Variants in DRD3 observed in about 807,000 individuals in gnomAD.
The protein encoded by DRD3 is D(3) dopamine receptor.
In DRD3, 19 loss-of-function variants were observed where a neutral mutation model predicts 36.3. The ratio of observed to expected loss-of-function variants is 0.52; its 90% confidence interval spans 0.36 to 0.77. The LOEUF is 0.77. Ranked by LOEUF, DRD3 falls within the 30% of genes least tolerant of loss-of-function variation. The probability of loss-of-function intolerance (pLI) is 0.00; values close to 1 mark genes in which losing one functional copy is unlikely to be tolerated. For missense variants in DRD3, 465 were observed against 505.3 expected (o/e 0.92, Z 0.77); for synonymous variants, 195 against 203.7 (o/e 0.96, Z 0.36).
intron 4 of DRD3, among the ~76,000 whole-genome samples, chr3:114,146,698 CA>C (rs72463214): frequency 0.029 from 1,697 of 58,118 alleles, 15 homozygotes; most frequent in African/African-American, 0.081. Context: ...GACTTGGTCT[CA>C]AAAAAAAAAA....
At chr3:114,198,612 A>C (rs2078049400) in intron 1 of DRD3, among the ~76,000 whole-genome samples, 1 of 152,102 alleles carries the variant, frequency 6.6e-6, no homozygotes, top group Non-Finnish European at 1.5e-5. Context: ...GAAAATTATG[A>C]CAGTTTTATT....
At chr3:114,142,864 C>T (rs2077538595) in intron 4 of DRD3, among the ~76,000 whole-genome samples, 1 of 152,214 alleles carries the variant, frequency 6.6e-6, no homozygotes, top group South Asian at 2.1e-4. Context: ...AAACAGCTTC[C>T]CTTTCTTAGA....
At chr3:114,196,710 G>A (rs189858534) in intron 1 of DRD3, among the ~76,000 whole-genome samples, 1 of 152,278 alleles carries the variant, frequency 6.6e-6, no homozygotes, top group East Asian at 1.9e-4. Flanking sequence ...GTTTTAACTT[G>A]CGTTTCTCTA....
At chr3:114,147,747 G>A (rs2077581770) in intron 3 of DRD3, among the ~76,000 whole-genome samples, 190 bp from the exon 4 acceptor site, 1 of 152,148 alleles carries the variant, frequency 6.6e-6, no homozygotes, top group Non-Finnish European at 1.5e-5. Flanking sequence ...AGCTTCCTGA[G>A]TATCTAGGAT....
At position 114,171,797 on chromosome 3, in the gene DRD3, AGTTGGTG is replaced by A; in HGVS notation, c.189_195del (p.Asn65Ter). The A allele has an allele frequency of 6.2e-7, 1 of 1,614,050 alleles. No homozygotes were observed. The highest frequency in any genetic ancestry group is 8.5e-7 in the Non-Finnish European group (1 of 1,179,944). On this transcript the variant is annotated frameshift_variant, in exon 2 of 7. Coordinates refer to ENST00000383673, the MANE Select transcript of DRD3 (RefSeq NM_000796.6). LOFTEE classifies it high-confidence loss of function. Reference sequence around the variant, plus strand: ...GCCACAGCCAGGCTCACTACTAAGTAGTTGGTGGTAGTCTGCAGGGCCCGCTCCTTCA... The same window carrying A: ...GCCACAGCCAGGCTCACTACTAAGTAGTAGTCTGCAGGGCCCGCTCCTTCA...
intron 6 of DRD3, among the ~76,000 whole-genome samples, chr3:114,130,072 A>T (rs999791035): frequency 2.0e-5 from 3 of 151,932 alleles, no homozygotes; most frequent in African/African-American, 7.3e-5. Flanking sequence ...ACGTAATGAG[A>T]CCCTGTCACT....
intron 4 of DRD3, among the ~76,000 whole-genome samples, chr3:114,139,906 A>C (rs2077509863): frequency 6.6e-6 from 1 of 152,210 alleles, no homozygotes; most frequent in Non-Finnish European, 1.5e-5. Context: ...CTTAAAATAA[A>C]AAGTTACCAA....
intron 3 of DRD3, among the ~76,000 whole-genome samples, chr3:114,156,871 TTTTCTTTC>T (rs1342099605): frequency 5.0e-4 from 3 of 6,036 alleles, no homozygotes; most frequent in Admixed American, 2.2e-3. Flanking sequence ...CTTTCTTTCT[TTTTCTTTC>T]TCTTTCTTTT....
At chr3:114,186,883 T>C (rs1229656100) in intron 1 of DRD3, among the ~76,000 whole-genome samples, 2 of 152,194 alleles carry the variant, frequency 1.3e-5, no homozygotes, top group East Asian at 3.9e-4. Flanking sequence ...TTTTTTCCAT[T>C]GGCTTTTAGT....
In DRD3 at chr3:114,128,690, C is replaced by T. The variant is rs780771836; in HGVS notation, c.*26G>A. The T allele has an allele frequency of 3.8e-6, 6 of 1,560,944 alleles. No homozygotes were observed. The highest frequency in any genetic ancestry group is 5.2e-6 in the Non-Finnish European group (6 of 1,151,304). On this transcript the variant is annotated 3_prime_UTR_variant, in exon 7 of 7. Coordinates refer to ENST00000383673, the MANE Select transcript of DRD3 (RefSeq NM_000796.6). ...ACAGCCTGGCAGCTAGAAATGGGTA[C>T]AAAGAGTGTTCCCTCTTCTGCTCCC... is the stretch of plus-strand genomic sequence containing the variant.
Position 114,139,584 on chromosome 3 carries a change from C to A in DRD3, c.639G>T (p.Val213=). 6.2e-7 allele frequency: 1 copy of A among 1,614,126 alleles called. No homozygotes were observed. The highest frequency in any genetic ancestry group is 1.1e-5 in the South Asian group (1 of 91,064). The part of the protein sequence containing the change: ...VTVLVYARIY[V]VLKQRRRKRI... ...TTTTCCGTCTCCTTTGTTTCAGCAC[C>A]ACATAGATTCTGGCATAGACAAGGA... The change falls in exon 5 of 7, where the codon GTG becomes GTT. Residue 213 remains valine, a synonymous_variant. Coordinates refer to ENST00000383673, the MANE Select transcript of DRD3 (RefSeq NM_000796.6).
intron 1 of DRD3, among the ~76,000 whole-genome samples, chr3:114,174,113 A>C (rs944111669): frequency 6.6e-6 from 1 of 152,208 alleles, no homozygotes; most frequent in Admixed American, 6.5e-5. Context: ...AAACATAATA[A>C]TAATTCTTGA....
chr3:114,179,182 T>C (rs1388608104), upstream of DRD3: 3 of 152,194 alleles, frequency 2.0e-5, no homozygotes, highest in Admixed American at 6.5e-5. Flanking sequence ...CTCAGTTTAA[T>C]TGCCTTTCCA....
At chr3:114,194,641 C>T (rs776529094) in intron 1 of DRD3, among the ~76,000 whole-genome samples, 36 of 152,098 alleles carry the variant, frequency 2.4e-4, no homozygotes, top group Non-Finnish European at 4.0e-4. Flanking sequence ...TTGAGCATGC[C>T]GACTTTTCTG....
chr3:114,189,936 C>A (rs945693828), intron 1 of DRD3, among the ~76,000 whole-genome samples: 3 of 152,050 alleles, frequency 2.0e-5, no homozygotes, highest in Non-Finnish European at 4.4e-5. Flanking sequence ...CCATGTTATG[C>A]ACATAAACAC....
intron 4 of DRD3, among the ~76,000 whole-genome samples, chr3:114,140,108 G>A (rs748723715): frequency 1.3e-5 from 2 of 152,210 alleles, no homozygotes; most frequent in Non-Finnish European, 2.9e-5. Context: ...GAGGGATGCA[G>A]CCCTCAGAAA....
chr3:114,166,660 C>G (rs1262563046), intron 2 of DRD3, among the ~76,000 whole-genome samples: 1 of 152,178 alleles, frequency 6.6e-6, no homozygotes, highest in Non-Finnish European at 1.5e-5. Context: ...TCTGTTGTAG[C>G]TGCACAAAAT....
rs550478184 is a variant in DRD3 at position 114,164,202 on chromosome 3, T to C, written c.271-4335A>G. On this transcript the variant is annotated intron_variant, in intron 2 of 6. Coordinates refer to ENST00000383673, the MANE Select transcript of DRD3 (RefSeq NM_000796.6). The stretch of plus-strand genomic sequence containing the variant: ...CACCACTGCACTCCAGCCTGGGTGA[T>C]AGAGCGAGCCTCAGTCTCAAAAAAA... Among the ~76,000 whole-genome samples the C allele has an allele frequency of 2.1e-4, 20 of 95,336 alleles. 1 individual carries two copies. Among genetic ancestry groups the C allele is most frequent in the South Asian group, 1.8e-3 (5 of 2,784 alleles). The allele number at this position is 95,336 out of a possible 152,430, so 62.5% of individuals were successfully genotyped here.
chr3:114,135,661 GGT>G (rs2077468180), intron 5 of DRD3, among the ~76,000 whole-genome samples: 1 of 151,758 alleles, frequency 6.6e-6, no homozygotes, highest in Admixed American at 6.6e-5. Context: ...CAGAGATTAT[GGT>G]GTGTTTTTTT....
Sources: gnomAD v4.1 joint callset for allele counts (sites outside exome capture counted in the v4.1 genomes callset) on GRCh38, gnomAD v4.1.1 for gene constraint, MANE v1.5 for transcripts, NCBI Gene and HGNC (gene_info 2026-07-23, HGNC 2026-07-21) for gene names.